Variants in PIK3CA observed in about 807,000 individuals in gnomAD.
The protein encoded by PIK3CA is phosphatidylinositol-4,5-bisphosphate 3-kinase catalytic subunit alpha.
PIK3CA carries 27 observed loss-of-function variants against 138.2 expected under a neutral mutation model. The observed-to-expected ratio is 0.20, with a 90% CI of 0.14 to 0.27. The LOEUF (loss-of-function observed/expected upper bound fraction) is 0.27. Among genes scored for constraint, PIK3CA ranks in the 10% least tolerant of loss-of-function variants. The probability of loss-of-function intolerance (pLI) is 1.00; values close to 1 mark genes in which losing one functional copy is unlikely to be tolerated. For missense variants in PIK3CA, 544 were observed against 1,277.4 expected (o/e 0.43, Z 8.75); for synonymous variants, 358 against 413.2 (o/e 0.87, Z 1.62).
chr3:179,151,987 A>G (rs529124824), intron 1 of PIK3CA, among the ~76,000 whole-genome samples: 1 of 152,264 alleles, frequency 6.6e-6, no homozygotes, highest in African/African-American at 2.4e-5. Context: ...CTCCTATCTT[A>G]TATACTGTAC....
chr3:179,174,720 C>T (rs1352893090), intron 1 of PIK3CA, among the ~76,000 whole-genome samples: 1 of 152,152 alleles, frequency 6.6e-6, no homozygotes, highest in Non-Finnish European at 1.5e-5. Flanking sequence ...TCTCATCATC[C>T]TATATTTAAT....
At chr3:179,194,508 A>C (rs1724215779) in intron 1 of PIK3CA, among the ~76,000 whole-genome samples, 1 of 152,108 alleles carries the variant, frequency 6.6e-6, no homozygotes, top group African/African-American at 2.4e-5. Flanking sequence ...TGTGAGCCAC[A>C]ACCCCCAGCC....
At chr3:179,211,261 G>T (rs1327593558) in intron 9 of PIK3CA, among the ~76,000 whole-genome samples, 1 of 152,166 alleles carries the variant, frequency 6.6e-6, no homozygotes, top group Non-Finnish European at 1.5e-5. Flanking sequence ...TAAAGATGCA[G>T]TATTAAATTG....
chr3:179,148,966 C>G (rs1722932646), intron 1 of PIK3CA, among the ~76,000 whole-genome samples: 2 of 152,184 alleles, frequency 1.3e-5, no homozygotes, highest in African/African-American at 2.4e-5. Flanking sequence ...CACGCCCACC[C>G]AGCCCGCGGG....
intron 9 of PIK3CA, among the ~76,000 whole-genome samples, chr3:179,217,227 C>T (rs1724856723): frequency 6.6e-6 from 1 of 152,118 alleles, no homozygotes; most frequent in Admixed American, 6.6e-5. Context: ...TTACTTGAAT[C>T]ACAAATACTA....
intron 9 of PIK3CA, among the ~76,000 whole-genome samples, chr3:179,211,271 G>T (rs188446931): frequency 9.2e-5 from 14 of 152,262 alleles, no homozygotes; most frequent in African/African-American, 2.6e-4. Context: ...GTATTAAATT[G>T]TATCTGCATA....
In PIK3CA at chr3:179,235,392, A is replaced by C; in HGVS notation, c.*1028A>C. The C allele has an allele frequency of 5.4e-6, 1 of 184,526 alleles. No homozygotes were observed. Among genetic ancestry groups the C allele is most frequent in the East Asian group, 8.7e-5 (1 of 11,434 alleles). 11.4% of individuals were successfully genotyped at this position (184,526 alleles called of 1,614,324 possible). On this transcript the variant is annotated 3_prime_UTR_variant, in exon 21 of 21. Transcript: ENST00000263967. ...TAGTCATGCATTGTTTTGCACCCCA[A>C]ATTTTTTATTGTTCATAGCAGCATG...
rs754188481 is a variant in PIK3CA, at chr3:179,239,955, G to C, written c.*5591G>C. 1 of 1,240,316 alleles carries C rather than the reference G, an allele frequency of 8.1e-7. No individual in the cohort carries two copies. Among genetic ancestry groups the C allele is most frequent in the South Asian group, 1.4e-5 (1 of 73,418 alleles). The allele number at this position is 1,240,316 out of a possible 1,614,324, so 76.8% of individuals were successfully genotyped here. A position where few individuals can be genotyped will look rare whatever the true frequency, so the allele number is the denominator to read the frequency against. ...TCACTAAATTTAAGACCTCTTCCCA[G>C]TCTTGCTGTTCCTAGCAAGAAGTTT... On this transcript the variant is annotated 3_prime_UTR_variant, in exon 21 of 21. Transcript: ENST00000263967.
intron 1 of PIK3CA, among the ~76,000 whole-genome samples, chr3:179,179,395 A>G (rs923497298): frequency 6.6e-6 from 1 of 152,226 alleles, no homozygotes; most frequent in Non-Finnish European, 1.5e-5. Context: ...AAAAGAAGCC[A>G]AATACAAGAG....
intron 1 of PIK3CA, among the ~76,000 whole-genome samples, chr3:179,193,788 A>G (rs1454116331): frequency 1.3e-5 from 2 of 152,262 alleles, no homozygotes; most frequent in Non-Finnish European, 2.9e-5. Context: ...ATTTGTCAGT[A>G]TGCATATGAA....
rs1172179501 is a variant in PIK3CA at position 179,237,518 on chromosome 3, T to TAATC, written c.*3156_*3159dup. ...ATTTTGTGTAAAGTGTAGTTCTTAT[T>TAATC]AATCAGGAAAATGATGACTTGATTA... On this transcript the variant is annotated 3_prime_UTR_variant, in exon 21 of 21. Transcript: ENST00000263967. 9.7e-6 allele frequency: 2 copies of TAATC among 206,314 alleles called. No homozygotes were observed. The highest frequency in any genetic ancestry group is 4.6e-5 in the African/African-American group (2 of 43,886). The allele number at this position is 206,314 out of a possible 1,614,324, so 12.8% of individuals were successfully genotyped here.
intron 1 of PIK3CA, among the ~76,000 whole-genome samples, chr3:179,158,574 C>G (rs1723196793): frequency 6.6e-6 from 1 of 152,094 alleles, no homozygotes; most frequent in Admixed American, 6.5e-5. Flanking sequence ...TTAAAGAAAT[C>G]TCACGTCCTG....
At chr3:179,150,016 T>G (rs552416270) in intron 1 of PIK3CA, among the ~76,000 whole-genome samples, 4 of 144,572 alleles carry the variant, frequency 2.8e-5, no homozygotes, top group African/African-American at 7.7e-5. Flanking sequence ...GTTTTTGGTG[T>G]TTTTTTTTTT....
At chr3:179,204,201 G>A (rs559849740) in intron 5 of PIK3CA, among the ~76,000 whole-genome samples, 82 of 152,242 alleles carry the variant, frequency 5.4e-4, no homozygotes, top group African/African-American at 1.9e-3. Context: ...TAGTAAGTAC[G>A]TGTACCAATT....
chr3:179,171,523 G>A (rs1416194245), intron 1 of PIK3CA, among the ~76,000 whole-genome samples: 1 of 151,960 alleles, frequency 6.6e-6, no homozygotes. Context: ...AACAAGAAGG[G>A]ATGTAAATTA....
In PIK3CA at chr3:179,234,428, C is replaced by A; in HGVS notation, c.*64C>A. 1 of 1,372,724 alleles carries A rather than the reference C, an allele frequency of 7.3e-7. No homozygotes were observed. Among genetic ancestry groups the A allele is most frequent in the Non-Finnish European group, 1.0e-6 (1 of 1,004,142 alleles). The allele number at this position is 1,372,724 out of a possible 1,614,324, so 85.0% of individuals were successfully genotyped here. A position where few individuals can be genotyped will look rare whatever the true frequency, so the allele number is the denominator to read the frequency against. ...ACACTGCACTGTTAATAACTCTCAG[C>A]AGGCAAAGACCGATTGCATAGGAAT... On this transcript the variant is annotated 3_prime_UTR_variant, in exon 21 of 21. Transcript: ENST00000263967. This position sits in a 1 kb window ranked among gnomAD's most constrained non-coding sequence, Gnocchi z 5.1.
At chr3:179,211,838 A>G (rs1316752429) in intron 9 of PIK3CA, among the ~76,000 whole-genome samples, 1 of 152,160 alleles carries the variant, frequency 6.6e-6, no homozygotes, top group Non-Finnish European at 1.5e-5. Flanking sequence ...TGAGGGCTGT[A>G]AGGAGTGCCT....
chr3:179,210,177 T>C lies in PIK3CA; in HGVS notation c.1252-9T>C, dbSNP rs2108400082. The stretch of plus-strand genomic sequence containing the variant: ...TTAGACTAGTGAATATTTTTCTTTG[T>C]TTTTTAAGGAACACTGTCCATTGGC... On this transcript the variant is annotated splice_polypyrimidine_tract_variant and intron_variant, in intron 7 of 20. Coordinates refer to ENST00000263967, the MANE Select transcript of PIK3CA (RefSeq NM_006218.4). 1.3e-6 allele frequency: 2 copies of C among 1,562,900 alleles called. No individual in the cohort carries two copies. The highest frequency in any genetic ancestry group is 1.7e-6 in the Non-Finnish European group (2 of 1,163,402).
chr3:179,234,647 C>CT lies in PIK3CA; in HGVS notation c.*290dup, dbSNP rs1725292757. ...GGTAAACTTTGAAGATTGTTTGTAT[C>CT]TTTTTTTAAAAAACAAAACAAAACA... is the stretch of plus-strand genomic sequence containing the variant. On this transcript the variant is annotated 3_prime_UTR_variant, in exon 21 of 21. Coordinates refer to ENST00000263967, the MANE Select transcript of PIK3CA (RefSeq NM_006218.4). The surrounding 1 kb of genome is among the most constrained non-coding windows in gnomAD (Gnocchi z 5.1). 3 of 284,616 alleles carry CT rather than the reference C, an allele frequency of 1.1e-5. No homozygotes were observed. Among genetic ancestry groups the CT allele is most frequent in the African/African-American group, 2.2e-5 (1 of 46,504 alleles). The allele number at this position is 284,616 out of a possible 1,614,324, so 17.6% of individuals were successfully genotyped here. A position where few individuals can be genotyped will look rare whatever the true frequency, so the allele number is the denominator to read the frequency against.
Sources: gnomAD v4.1 joint callset for allele counts (sites outside exome capture counted in the v4.1 genomes callset) on GRCh38, gnomAD v4.1.1 for gene constraint, Gnocchi (gnomAD v3.1) non-coding constraint, MANE v1.5 for transcripts, NCBI Gene and HGNC (gene_info 2026-07-23, HGNC 2026-07-21) for gene names.